Variants in MTSS1 observed in about 807,000 individuals in gnomAD.
The protein encoded by MTSS1 is MTSS I-BAR domain containing 1.
MTSS1 carries 18 observed loss-of-function variants against 79.0 expected under a neutral mutation model. The ratio of observed to expected loss-of-function variants is 0.23; its 90% CI spans 0.16 to 0.34. MTSS1 has a LOEUF of 0.34. MTSS1 is among the 10% of genes least tolerant of loss of function. The pLI, the probability that MTSS1 is intolerant of heterozygous loss-of-function variation, is 1.00. For missense variants in MTSS1, 815 were observed against 986.2 expected (o/e 0.83, Z 2.33); for synonymous variants, 341 against 368.6 (o/e 0.93, Z 0.86).
chr8:124,714,894 A>G lies in MTSS1; in HGVS notation c.73-10703T>C, dbSNP rs1168680847. 2.6e-5 allele frequency among the ~76,000 whole-genome samples: 4 copies of G among 152,198 alleles called. No individual in the cohort carries two copies. The East Asian group carries it at 5.8e-4, about 22-fold the overall frequency. On this transcript the variant is annotated intron_variant, in intron 1 of 13. Coordinates refer to ENST00000518547, the MANE Select transcript of MTSS1 (RefSeq NM_014751.6). ...CAGGGGCTGGCTGCTTTTACCTAGC[A>G]TTTGTATAAGCTTAATCCTCCCCAG...
intron 3 of MTSS1, among the ~76,000 whole-genome samples, chr8:124,596,519 C>T (rs1832788898): frequency 1.3e-5 from 2 of 152,250 alleles, no homozygotes; most frequent in South Asian, 4.1e-4. Flanking sequence ...AGGGGCTGGG[C>T]TGCCAAAGCA....
At chr8:124,568,978 A>T in intron 6 of MTSS1, 1 of 562,924 alleles carries the variant, frequency 1.8e-6, no homozygotes, top group Non-Finnish European at 2.6e-6. Flanking sequence ...AATCTCAATC[A>T]AAGAGCCTCT....
chr8:124,721,507 T>TCAAG (rs1832936124), intron 1 of MTSS1, among the ~76,000 whole-genome samples: 1 of 149,590 alleles, frequency 6.7e-6, no homozygotes, highest in Non-Finnish European at 1.5e-5. Flanking sequence ...CCTCCCGGGT[T>TCAAG]CAAGCAATTC....
At chr8:124,568,721 C>G (rs561556771) in intron 6 of MTSS1, 185 bp from the exon 7 acceptor site, 1 of 1,488,574 alleles carries the variant, frequency 6.7e-7, no homozygotes, top group East Asian at 2.5e-5. Context: ...TTCCAATTTT[C>G]AATGCCCAAA....
intron 3 of MTSS1, among the ~76,000 whole-genome samples, chr8:124,671,478 C>T (rs138141739): frequency 9.1e-4 from 139 of 152,296 alleles, no homozygotes; most frequent in Non-Finnish European, 1.7e-3. Context: ...ACTAGTCTCG[C>T]CCTCCTGGCT....
chr8:124,622,360 G>C (rs1813733346), intron 3 of MTSS1, among the ~76,000 whole-genome samples: 1 of 151,836 alleles, frequency 6.6e-6, no homozygotes, highest in African/African-American at 2.4e-5. Flanking sequence ...AAAGGACGCA[G>C]AGAGGCAGAT....
chr8:124,572,900 C>A (rs1828142018), intron 6 of MTSS1, among the ~76,000 whole-genome samples: 1 of 152,054 alleles, frequency 6.6e-6, no homozygotes, highest in African/African-American at 2.4e-5. Context: ...GCATGTACCA[C>A]CATGCCCAGC....
chr8:124,594,348 T>G (rs1388250586), intron 3 of MTSS1, among the ~76,000 whole-genome samples: 1 of 152,130 alleles, frequency 6.6e-6, no homozygotes, highest in East Asian at 1.9e-4. Flanking sequence ...CTGGCCAACA[T>G]GATGAAACCT....
chr8:124,700,445 T>A (rs1564020212), intron 2 of MTSS1, among the ~76,000 whole-genome samples: 1 of 152,164 alleles, frequency 6.6e-6, no homozygotes, highest in Non-Finnish European at 1.5e-5. Flanking sequence ...GCCTCATGAC[T>A]CACAGGCTTG....
At chr8:124,646,198 T>A (rs1043230917) in intron 3 of MTSS1, among the ~76,000 whole-genome samples, 4 of 152,250 alleles carry the variant, frequency 2.6e-5, no homozygotes, top group African/African-American at 9.6e-5. Flanking sequence ...ACTGGAATAT[T>A]AGCAAGGCTG....
intron 10 of MTSS1, among the ~76,000 whole-genome samples, chr8:124,561,679 G>T (rs562623195): frequency 2.0e-5 from 3 of 152,150 alleles, no homozygotes; most frequent in Non-Finnish European, 4.4e-5. Flanking sequence ...CAATTATGCT[G>T]CACACTAGAA....
At chr8:124,568,914 G>A (rs1827154662) in intron 6 of MTSS1, 5 of 1,329,796 alleles carry the variant, frequency 3.8e-6, no homozygotes, top group Middle Eastern at 2.9e-4. Flanking sequence ...GTGGAAACAA[G>A]GTAAGAGCCT....
chr8:124,604,215 A>T (rs1347064780), intron 3 of MTSS1, among the ~76,000 whole-genome samples: 1 of 152,118 alleles, frequency 6.6e-6, no homozygotes, highest in Non-Finnish European at 1.5e-5. Flanking sequence ...TCCATCTTAA[A>T]AATAAATAAA....
Position 124,564,250 on chromosome 8 carries a change from G to A in MTSS1, c.825-1258C>T, listed in dbSNP as rs185316798. 1.2e-3 allele frequency among the ~76,000 whole-genome samples: 178 copies of A among 152,186 alleles called. 2 individuals carry two copies. The highest frequency in any genetic ancestry group is 4.1e-3 in the African/African-American group (172 of 41,494). ...CTGAAATAAAAAGAGCAGTTGTAGAGGCAGCAGCAGGGATGAAGTAAATAA... is the reference window on the plus strand; with the variant it reads ...CTGAAATAAAAAGAGCAGTTGTAGAAGCAGCAGCAGGGATGAAGTAAATAA... On this transcript the variant is annotated intron_variant, in intron 9 of 13. Coordinates refer to ENST00000518547, the MANE Select transcript of MTSS1 (RefSeq NM_014751.6).
intron 3 of MTSS1, among the ~76,000 whole-genome samples, chr8:124,654,086 C>G (rs1274803189): frequency 6.6e-6 from 1 of 152,204 alleles, no homozygotes; most frequent in Admixed American, 6.5e-5. Flanking sequence ...AAACGTCTTA[C>G]TGCTACCCCA....
Position 124,561,333 on chromosome 8 carries a change from G to A in MTSS1, c.1035+1449C>T, listed in dbSNP as rs186641427. 7.2e-5 allele frequency among the ~76,000 whole-genome samples: 11 copies of A among 152,152 alleles called. 1 individual carries two copies. Among genetic ancestry groups the A allele is most frequent in the Non-Finnish European group, 1.3e-4 (9 of 68,014 alleles). On this transcript the variant is annotated intron_variant, in intron 10 of 13. Transcript: ENST00000518547. ...CTTGGGAGGCTGAGGCAGGAGAATC[G>A]CTTGAACCCAGGAGGTGGAGGTTAC...
At chr8:124,577,961 A>G (rs1039717096) in intron 6 of MTSS1, among the ~76,000 whole-genome samples, 6 of 152,232 alleles carry the variant, frequency 3.9e-5, no homozygotes, top group Admixed American at 2.6e-4. Context: ...CACAAGAAAC[A>G]TTCCTGTGGG....
chr8:124,718,341 G>A (rs1271431797), intron 1 of MTSS1, among the ~76,000 whole-genome samples: 1 of 150,778 alleles, frequency 6.6e-6, no homozygotes, highest in Non-Finnish European at 1.5e-5. Flanking sequence ...ACATCAAAGA[G>A]GCCAGGTTCC....
intron 3 of MTSS1, among the ~76,000 whole-genome samples, chr8:124,680,890 T>TC (rs1826022154): frequency 6.6e-6 from 1 of 152,168 alleles, no homozygotes; most frequent in African/African-American, 2.4e-5. Context: ...CAGTCTCTAC[T>TC]CCTAGGGGAG....
Sources: gnomAD v4.1 joint callset for allele counts (sites outside exome capture counted in the v4.1 genomes callset) on GRCh38, gnomAD v4.1.1 for gene constraint, MANE v1.5 for transcripts, NCBI Gene and HGNC (gene_info 2026-07-23, HGNC 2026-07-21) for gene names.